NEK7: variants seen among roughly 807,000 people sequenced by gnomAD.
NEK7 encodes serine/threonine-protein kinase Nek7.
NEK7 carries 18 observed loss-of-function variants against 44.6 expected under a neutral mutation model. That is an observed-to-expected ratio of 0.40 (90% CI 0.28 to 0.60). The LOEUF (loss-of-function observed/expected upper bound fraction) is 0.60. Ranked by LOEUF, NEK7 falls within the 20% of genes least tolerant of loss-of-function variation. NEK7 has a pLI of 0.38. For missense variants in NEK7, 256 were observed against 366.5 expected, an observed-to-expected ratio of 0.70 and a Z score of 2.46; for synonymous variants, 130 against 121.1, an observed-to-expected ratio of 1.07 and a Z score of -0.48.
chr1:198,207,231 G>C (rs1665624154), intron 1 of NEK7: 1 of 152,066 alleles, frequency 6.6e-6, no homozygotes. Context: ...GAAGGTATGT[G>C]ATAACTCAGG....
chr1:198,220,565 T>C (rs1201468515), intron 1 of NEK7, among the ~76,000 whole-genome samples: 1 of 152,216 alleles, frequency 6.6e-6, no homozygotes, highest in African/African-American at 2.4e-5. Context: ...TAAGCACTTA[T>C]TTTTTTGCAT....
At chr1:198,318,811 C>T (rs1013310739) in intron 9 of NEK7, among the ~76,000 whole-genome samples, 1 of 152,024 alleles carries the variant, frequency 6.6e-6, no homozygotes, top group African/African-American at 2.4e-5. Flanking sequence ...TCAACTCTCT[C>T]ATCTATAAAG....
At chr1:198,163,947 A>G (rs947537840) in intron 1 of NEK7, among the ~76,000 whole-genome samples, 8 of 152,146 alleles carry the variant, frequency 5.3e-5, no homozygotes, top group Non-Finnish European at 8.8e-5. Context: ...AGTATTTACA[A>G]TATCAGCTGT....
At chr1:198,310,394 G>A (rs1173294403) in intron 9 of NEK7, among the ~76,000 whole-genome samples, 3 of 150,958 alleles carry the variant, frequency 2.0e-5, no homozygotes, top group Non-Finnish European at 4.4e-5. Flanking sequence ...TTTGTAGGCT[G>A]CCTGTTCACT....
chr1:198,189,513 A>G (rs1571514163), intron 1 of NEK7, among the ~76,000 whole-genome samples: 1 of 152,120 alleles, frequency 6.6e-6, no homozygotes, highest in Non-Finnish European at 1.5e-5. Flanking sequence ...TTTGGTATAT[A>G]TAACTTTTGG....
At chr1:198,204,733 A>G (rs1020351674) in intron 1 of NEK7, among the ~76,000 whole-genome samples, 1 of 151,906 alleles carries the variant, frequency 6.6e-6, no homozygotes, top group Non-Finnish European at 1.5e-5. Flanking sequence ...AAAAAAAAAA[A>G]AAAAAGAAAC....
At chr1:198,289,792 G>A (rs1034257617) in intron 7 of NEK7, among the ~76,000 whole-genome samples, 3 of 152,076 alleles carry the variant, frequency 2.0e-5, no homozygotes, top group Non-Finnish European at 4.4e-5. Flanking sequence ...GAACTTGTTG[G>A]TTCACTTAAA....
chr1:198,214,101 T>C (rs1286017180), intron 1 of NEK7, among the ~76,000 whole-genome samples: 1 of 152,082 alleles, frequency 6.6e-6, no homozygotes, highest in Non-Finnish European at 1.5e-5. Context: ...ATTCACACAG[T>C]CTTTGCCACT....
At chr1:198,234,380 T>C (rs1324270020) in intron 2 of NEK7, among the ~76,000 whole-genome samples, 1 of 152,092 alleles carries the variant, frequency 6.6e-6, no homozygotes, top group Non-Finnish European at 1.5e-5. Context: ...AACAAACATA[T>C]CTATTAAACA....
At chr1:198,222,050 C>T (rs1159615186) in intron 1 of NEK7, among the ~76,000 whole-genome samples, 1 of 151,764 alleles carries the variant, frequency 6.6e-6, no homozygotes, top group Admixed American at 6.6e-5. Flanking sequence ...ATTCAGTCCA[C>T]TGGCAAGCAG....
intron 5 of NEK7, among the ~76,000 whole-genome samples, chr1:198,267,283 T>A (rs1421643613): frequency 6.6e-6 from 1 of 151,292 alleles, no homozygotes; most frequent in Non-Finnish European, 1.5e-5. Context: ...CCTCATTCAT[T>A]CATTCATTCA....
intron 8 of NEK7, among the ~76,000 whole-genome samples, chr1:198,296,017 T>A (rs1391364384): frequency 6.6e-6 from 1 of 152,154 alleles, no homozygotes; most frequent in Non-Finnish European, 1.5e-5. Flanking sequence ...ACTTTCCAGT[T>A]TTGATTTCCA....
intron 5 of NEK7, among the ~76,000 whole-genome samples, chr1:198,266,453 A>G (rs919607510): frequency 6.6e-6 from 1 of 152,028 alleles, no homozygotes. Flanking sequence ...CTCATCATCC[A>G]GTGGGAGAAA....
At chr1:198,260,891 A>G (rs550376414) in intron 3 of NEK7, among the ~76,000 whole-genome samples, 9 of 148,124 alleles carry the variant, frequency 6.1e-5, no homozygotes, top group African/African-American at 2.3e-4. Flanking sequence ...CAAAGCTAAA[A>G]TTCTTTAAGG....
intron 1 of NEK7, among the ~76,000 whole-genome samples, chr1:198,185,577 C>T (rs181919085): frequency 6.6e-6 from 1 of 152,098 alleles, no homozygotes; most frequent in African/African-American, 2.4e-5. Flanking sequence ...TTGTAAGAAA[C>T]ACCTTATTTT....
At chr1:198,269,137 T>C (rs1015209771) in intron 5 of NEK7, among the ~76,000 whole-genome samples, 1 of 152,140 alleles carries the variant, frequency 6.6e-6, no homozygotes, top group Non-Finnish European at 1.5e-5. Flanking sequence ...ACAGAGACCA[T>C]GCTGGCTTTG....
chr1:198,236,183 C>T (rs1240241744), intron 2 of NEK7, among the ~76,000 whole-genome samples: 6 of 152,058 alleles, frequency 3.9e-5, no homozygotes, highest in African/African-American at 1.4e-4. Context: ...CTTCTTTTTT[C>T]TCTAGTTTAT....
At chr1:198,241,856 GC>G (rs200719714) in intron 2 of NEK7, among the ~76,000 whole-genome samples, 3,767 of 152,262 alleles carry the variant, frequency 0.025, 69 homozygotes, top group African/African-American at 0.047. Flanking sequence ...TTAAATGTTA[GC>G]AAAAATGATG....
chr1:198,239,409 G>A (rs913012097), intron 2 of NEK7, among the ~76,000 whole-genome samples: 12 of 151,964 alleles, frequency 7.9e-5, no homozygotes, highest in African/African-American at 2.7e-4. Context: ...GGATTTAGGT[G>A]ATATTCAAGG....
Sources: allele counts gnomAD v4.1 joint callset (sites outside exome capture counted in the v4.1 genomes callset), GRCh38; gene constraint gnomAD v4.1.1; transcripts MANE v1.5; gene names NCBI Gene and HGNC (gene_info 2026-07-23, HGNC 2026-07-21).